The following RNF220 variants were observed in gnomAD, a reference collection of about 807,000 sequenced individuals.
RNF220 encodes ring finger protein 220, also known as E3 ubiquitin-protein ligase RNF220.
Under a neutral mutation model 67.1 loss-of-function variants are expected in RNF220, and 7 were observed. The ratio of observed to expected loss-of-function variants is 0.10; its 90% confidence interval spans 0.06 to 0.20. RNF220 has a LOEUF of 0.20. Ranked by LOEUF, RNF220 falls within the 10% of genes least tolerant of loss-of-function variation. RNF220 has a pLI of 1.00. For synonymous variants in RNF220, 270 were observed against 283.2 expected, an observed-to-expected ratio of 0.95 and a Z score of 0.47; for missense variants, 565 against 740.3, an observed-to-expected ratio of 0.76 and a Z score of 2.75.
rs145308623 is a variant in RNF220, at chr1:44,645,495, G to A, written c.1445+7G>A. On this transcript the variant is annotated splice_region_variant and intron_variant, in intron 12 of 14. Transcript: ENST00000361799. The surrounding 1 kb of genome is among the most constrained non-coding windows in gnomAD (Gnocchi z 5.0). ...AGAACAGCGACATCGAGAAGTAAGT[G>A]TTTGGCCAGGAGAGAGCCCTGGGAC... 432 of 1,613,428 alleles carry A rather than the reference G, an allele frequency of 2.7e-4. 2 individuals carry two copies. The African/African-American group carries it at 4.9e-3, about 18-fold the overall frequency.
At chr1:44,607,487 C>A (rs1290078629) in intron 2 of RNF220, among the ~76,000 whole-genome samples, 1 of 118,776 alleles carries the variant, frequency 8.4e-6, no homozygotes, top group African/African-American at 3.0e-5. Context: ...GTGCTGTTTT[C>A]TTTTTTTTTT....
At chr1:44,587,460 C>T (rs1182354472) in intron 2 of RNF220, among the ~76,000 whole-genome samples, 5 of 152,102 alleles carry the variant, frequency 3.3e-5, no homozygotes, top group African/African-American at 1.2e-4. Context: ...GTTGTATCTT[C>T]TTTAAGGCAT....
chr1:44,517,322 CG>C (rs1230318682), intron 2 of RNF220, among the ~76,000 whole-genome samples: 10 of 152,142 alleles, frequency 6.6e-5, no homozygotes, highest in Admixed American at 3.9e-4. Context: ...CATCTCTCCT[CG>C]GGGTCTTTCA....
intron 2 of RNF220, chr1:44,419,532 T>C (rs1648979044): frequency 6.6e-6 from 1 of 152,242 alleles, no homozygotes; most frequent in Non-Finnish European, 1.5e-5. Context: ...AAAAAAATTA[T>C]TATTTTTTGT....
chr1:44,606,856 C>T lies in RNF220; in HGVS notation c.626-7309C>T, dbSNP rs1667304363. Among the ~76,000 whole-genome samples, 1 of 152,162 alleles carries T rather than the reference C, an allele frequency of 6.6e-6. No individual in the cohort carries two copies. Among genetic ancestry groups the T allele is most frequent in the Non-Finnish European group, 1.5e-5 (1 of 68,044 alleles). On this transcript the variant is annotated intron_variant, in intron 2 of 14. Coordinates refer to ENST00000361799, the MANE Select transcript of RNF220 (RefSeq NM_018150.4). The surrounding 1 kb of genome is among the most constrained non-coding windows in gnomAD (Gnocchi z 4.2). ...GCTTCGGTGCTCTATGTCAATGTCTCCCGGGTCTAGAACTCTAGCTCTGGC... is the reference window on the plus strand; with the variant it reads ...GCTTCGGTGCTCTATGTCAATGTCTTCCGGGTCTAGAACTCTAGCTCTGGC...
chr1:44,632,706 G>T (rs1345648627), intron 6 of RNF220: 2 of 501,796 alleles, frequency 4.0e-6, no homozygotes, highest in African/African-American at 3.8e-5. Context: ...CAAACTGCTG[G>T]GACCTCACTA....
chr1:44,460,842 C>T (rs1653695259), intron 2 of RNF220, among the ~76,000 whole-genome samples: 1 of 152,214 alleles, frequency 6.6e-6, no homozygotes, highest in African/African-American at 2.4e-5. Flanking sequence ...GTGTGGAACA[C>T]GGTGGCCAGA....
chr1:44,419,404 A>G (rs1004399132), intron 2 of RNF220: 1 of 152,254 alleles, frequency 6.6e-6, no homozygotes, highest in African/African-American at 2.4e-5. Flanking sequence ...AGGCTGTAGT[A>G]TGAATCAGAA....
Position 44,487,696 on chromosome 1 carries a change from T to TAATAAC in RNF220, c.625+74979_625+74980insCAATAA, listed in dbSNP as rs556664645. Reference sequence around the variant, plus strand: ...AAAATAATAATAATAATAATAATAATAATAATAATAATAACAATAATAATA... The same window carrying TAATAAC: ...AAAATAATAATAATAATAATAATAATAATAACAATAATAATAATAACAATAATAATA... On this transcript the variant is annotated intron_variant, in intron 2 of 14. Transcript: ENST00000361799. Among the ~76,000 whole-genome samples the TAATAAC allele has an allele frequency of 8.7e-4, 122 of 140,058 alleles. 12 individuals carry two copies. The highest frequency in any genetic ancestry group is 6.9e-3 in the East Asian group (31 of 4,474). 91.9% of individuals were successfully genotyped at this position (140,058 alleles called of 152,430 possible).
intron 2 of RNF220, among the ~76,000 whole-genome samples, chr1:44,448,335 G>GT (rs1041505575): frequency 5.9e-5 from 9 of 152,244 alleles, no homozygotes; most frequent in Admixed American, 3.3e-4. Flanking sequence ...TTATACTTCA[G>GT]TTTTTTTCAG....
Position 44,417,339 on chromosome 1 carries a change from T to C in RNF220, c.625+4617T>C, listed in dbSNP as rs946174654. On this transcript the variant is annotated intron_variant, in intron 2 of 14. Coordinates refer to ENST00000361799, the MANE Select transcript of RNF220 (RefSeq NM_018150.4). This position sits in a 1 kb window ranked among gnomAD's most constrained non-coding sequence, Gnocchi z 4.0. ...TCCCAACACAGTCATGGAGACTCTT[T>C]TTCATGCTGCTGGGTTTAATTGTCT... is the stretch of plus-strand genomic sequence containing the variant. Among the ~76,000 whole-genome samples, 3 of 150,698 alleles carry C rather than the reference T, an allele frequency of 2.0e-5. No homozygotes were observed. Among genetic ancestry groups the C allele is most frequent in the Admixed American group, 2.0e-4 (3 of 15,128 alleles).
intron 2 of RNF220, among the ~76,000 whole-genome samples, chr1:44,510,018 G>A (rs530227597): frequency 2.0e-5 from 3 of 151,808 alleles, no homozygotes; most frequent in African/African-American, 4.8e-5. Context: ...CGGGAGGATC[G>A]CTTGAGCCCA....
At chr1:44,427,500 A>G (rs892667700) in intron 2 of RNF220, among the ~76,000 whole-genome samples, 1 of 152,200 alleles carries the variant, frequency 6.6e-6, no homozygotes, top group Non-Finnish European at 1.5e-5. Flanking sequence ...ACTGTGTCTT[A>G]TTCTAAGATC....
At chr1:44,580,090 A>G (rs1259474380) in intron 2 of RNF220, among the ~76,000 whole-genome samples, 2 of 150,776 alleles carry the variant, frequency 1.3e-5, no homozygotes, top group Admixed American at 6.6e-5. Flanking sequence ...AAAAGAAAAG[A>G]AAAAGAAAGA....
At chr1:44,459,174 T>A (rs1653503562) in intron 2 of RNF220, among the ~76,000 whole-genome samples, 1 of 146,094 alleles carries the variant, frequency 6.8e-6, no homozygotes, top group Non-Finnish European at 1.5e-5. Context: ...ACCATGGTGA[T>A]TCTTTTGGTG....
At chr1:44,632,235 G>A (rs1376934933) in intron 5 of RNF220, 108 bp from the exon 6 acceptor site, 10 of 1,613,012 alleles carry the variant, frequency 6.2e-6, no homozygotes, top group Non-Finnish European at 8.5e-6. Flanking sequence ...GCTGTTTGGG[G>A]CGGAGCAGCT....
intron 2 of RNF220, among the ~76,000 whole-genome samples, chr1:44,536,604 G>A (rs1212161100): frequency 1.3e-5 from 2 of 152,126 alleles, no homozygotes; most frequent in Admixed American, 1.3e-4. Flanking sequence ...GGGGAAGGAC[G>A]GATCTCTTTG....
Position 44,427,570 on chromosome 1 carries a change from G to A in RNF220, c.625+14848G>A, listed in dbSNP as rs553342417. Among the ~76,000 whole-genome samples the A allele has an allele frequency of 9.2e-5, 14 of 152,326 alleles. No homozygotes were observed. The East Asian group carries it at 2.7e-3, about 29-fold the overall frequency. On this transcript the variant is annotated intron_variant, in intron 2 of 14. Transcript: ENST00000361799. The stretch of plus-strand genomic sequence containing the variant: ...TACTAGTTATGATCTAAGAAAAAAA[G>A]TTTGTCAAACATACCCTTTGGTGGG...
intron 2 of RNF220, among the ~76,000 whole-genome samples, chr1:44,461,254 G>A (rs1364709297): frequency 6.6e-6 from 1 of 152,102 alleles, no homozygotes; most frequent in African/African-American, 2.4e-5. Context: ...CCTTCTAGAA[G>A]TGGATTTTCT....
Sources: allele counts gnomAD v4.1 joint callset (sites outside exome capture counted in the v4.1 genomes callset), GRCh38; gene constraint gnomAD v4.1.1; non-coding constraint Gnocchi (gnomAD v3.1); transcripts MANE v1.5; gene names NCBI Gene and HGNC (gene_info 2026-07-23, HGNC 2026-07-21).